The following FBXO40 variants were observed in gnomAD, a reference collection of about 807,000 sequenced individuals.
FBXO40 encodes F-box protein 40, also known as F-box only protein 40.
A neutral mutation model predicts 49.9 loss-of-function variants in FBXO40; 50 were observed. The ratio of observed to expected loss-of-function variants is 1.00; its 90% CI spans 0.80 to 1.27. The LOEUF (loss-of-function observed/expected upper bound fraction) is 1.27. Among genes scored for constraint, FBXO40 ranks in the 50% most tolerant of loss-of-function variants. The pLI is 0.00. For synonymous variants in FBXO40, 340 were observed against 320.2 expected, an observed-to-expected ratio of 1.06 and a Z score of -0.66; for missense variants, 895 against 870.1, an observed-to-expected ratio of 1.03 and a Z score of -0.36.
chr3:121,601,198 G>T (rs2048899516), intron 1 of FBXO40, among the ~76,000 whole-genome samples: 1 of 152,100 alleles, frequency 6.6e-6, no homozygotes, highest in Admixed American at 6.5e-5. Context: ...TTATATCAGT[G>T]AGAACAATTT....
chr3:121,608,318 A>G (rs2048942700), intron 1 of FBXO40, among the ~76,000 whole-genome samples: 1 of 152,202 alleles, frequency 6.6e-6, no homozygotes, highest in South Asian at 2.1e-4. Flanking sequence ...ATGACCATGA[A>G]GCATTAAAAA....
At chr3:121,604,963 TTTATTTATTTA>T (rs1309659497) in intron 1 of FBXO40, among the ~76,000 whole-genome samples, 18 of 138,876 alleles carry the variant, frequency 1.3e-4, no homozygotes, top group Admixed American at 4.4e-4. Flanking sequence ...TATTTATTTA[TTTATTTATTTA>T]TTATTTATTT....
At chr3:121,619,165 A>G (rs1015362257) in intron 1 of FBXO40, among the ~76,000 whole-genome samples, 4 of 143,434 alleles carry the variant, frequency 2.8e-5, no homozygotes, top group South Asian at 2.2e-4. Flanking sequence ...ATGCCCCGCT[A>G]ATTTTTTAAC....
At chr3:121,600,123 C>G (rs150503944) in intron 1 of FBXO40, among the ~76,000 whole-genome samples, 1 of 151,736 alleles carries the variant, frequency 6.6e-6, no homozygotes, top group Non-Finnish European at 1.5e-5. Flanking sequence ...TTCAATCTCC[C>G]AGGCTCAAGC....
intron 1 of FBXO40, among the ~76,000 whole-genome samples, chr3:121,615,120 G>A (rs1464787493): frequency 4.8e-5 from 7 of 146,078 alleles, no homozygotes; most frequent in African/African-American, 5.1e-5. Context: ...CAGGAGAATC[G>A]CTTGAATCTG....
At chr3:121,597,547 G>C (rs914270970) in intron 1 of FBXO40, among the ~76,000 whole-genome samples, 1 of 152,144 alleles carries the variant, frequency 6.6e-6, no homozygotes, top group African/African-American at 2.4e-5. Context: ...AAGGCCTGGA[G>C]GAGGGAGGTG....
In FBXO40 at chr3:121,627,567, A is replaced by G. The variant is rs534180857; in HGVS notation, c.*657A>G. ...AAATGGGATCACAGAGTCTGTTGCT[A>G]GAATCTTGGCAACATACAGCAGGAA... On this transcript the variant is annotated 3_prime_UTR_variant, in exon 4 of 4. Transcript: ENST00000338040. 1.6e-4 allele frequency: 50 copies of G among 309,590 alleles called. No individual in the cohort carries two copies. The highest frequency in any genetic ancestry group is 1.0e-3 in the African/African-American group (48 of 46,740). The allele number at this position is 309,590 out of a possible 1,614,324, so 19.2% of individuals were successfully genotyped here.
intron 3 of FBXO40, 29 bp from the exon 4 acceptor site, chr3:121,626,666 C>T: frequency 6.2e-7 from 1 of 1,605,816 alleles, no homozygotes; most frequent in Non-Finnish European, 8.5e-7. Context: ...CCCCTATATT[C>T]ACCTTTGAAC....
chr3:121,599,705 C>CATATAT (rs1191192350), intron 1 of FBXO40, among the ~76,000 whole-genome samples: 6 of 59,530 alleles, frequency 1.0e-4, no homozygotes, highest in Admixed American at 5.8e-4. Context: ...CACACACACA[C>CATATAT]ATATATATAT....
At chr3:121,608,320 C>T (rs1206180441) in intron 1 of FBXO40, among the ~76,000 whole-genome samples, 1 of 152,190 alleles carries the variant, frequency 6.6e-6, no homozygotes, top group African/African-American at 2.4e-5. Context: ...GACCATGAAG[C>T]ATTAAAAAGG....
intron 1 of FBXO40, among the ~76,000 whole-genome samples, chr3:121,615,576 A>AAG (rs2048993079): frequency 6.6e-6 from 1 of 151,288 alleles, no homozygotes; most frequent in South Asian, 2.1e-4. Flanking sequence ...AAAAAAAAAA[A>AAG]AAGAAGAAGA....
rs193283241 is a variant in FBXO40, at chr3:121,620,770, G to A, written c.3+192G>A. 3.4e-3 allele frequency among the ~76,000 whole-genome samples: 520 copies of A among 152,324 alleles called. 1 individual carries two copies. Among genetic ancestry groups the A allele is most frequent in the Non-Finnish European group, 6.2e-3 (423 of 68,036 alleles). The stretch of plus-strand genomic sequence containing the variant: ...GAGTAAGGGGAAAACAGTTGAGAAG[G>A]ATTTTTGAGCAAAGAGTTTAAGTGA... On this transcript the variant is annotated intron_variant, in intron 2 of 3. Coordinates refer to ENST00000338040, the MANE Select transcript of FBXO40 (RefSeq NM_016298.4).
At chr3:121,616,685 A>G (rs2048999602) in intron 1 of FBXO40, among the ~76,000 whole-genome samples, 1 of 152,212 alleles carries the variant, frequency 6.6e-6, no homozygotes, top group Admixed American at 6.5e-5. Flanking sequence ...GGCAAGTAGT[A>G]GTAGGTAATC....
chr3:121,601,856 T>G (rs2048902732), intron 1 of FBXO40, among the ~76,000 whole-genome samples: 1 of 152,216 alleles, frequency 6.6e-6, no homozygotes, highest in African/African-American at 2.4e-5. Flanking sequence ...ATTGGTGAAT[T>G]TCTCTTCTGA....
At chr3:121,619,218 A>G (rs991772928) in intron 1 of FBXO40, among the ~76,000 whole-genome samples, 1 of 151,644 alleles carries the variant, frequency 6.6e-6, no homozygotes, top group Non-Finnish European at 1.5e-5. Flanking sequence ...TATGTTTCTC[A>G]GACTGGTCTT....
Position 121,627,850 on chromosome 3 carries a change from C to A in FBXO40, c.*940C>A. The A allele has an allele frequency of 2.5e-6, 1 of 398,756 alleles. No individual in the cohort carries two copies. Among genetic ancestry groups the A allele is most frequent in the Non-Finnish European group, 4.4e-6 (1 of 226,174 alleles). The allele number at this position is 398,756 out of a possible 1,614,324, so 24.7% of individuals were successfully genotyped here. A position where few individuals can be genotyped will look rare whatever the true frequency, so the allele number is the denominator to read the frequency against. ...ACAGGGCAGCCCAGGGAGATCACAC[C>A]TTTGGCAAAGTCCAGACAAGGCCCA... is the stretch of plus-strand genomic sequence containing the variant. On this transcript the variant is annotated 3_prime_UTR_variant, in exon 4 of 4. Coordinates refer to ENST00000338040, the MANE Select transcript of FBXO40 (RefSeq NM_016298.4).
intron 1 of FBXO40, among the ~76,000 whole-genome samples, chr3:121,597,783 T>C (rs1271888342): frequency 6.7e-6 from 1 of 150,200 alleles, no homozygotes; most frequent in Non-Finnish European, 1.5e-5. Flanking sequence ...AGCCTCAGTC[T>C]CCCGAGCGTC....
rs1054759381 is a variant in FBXO40 at position 121,622,294 on chromosome 3, C to T, written c.865C>T (p.Pro289Ser). 6.2e-7 allele frequency: 1 copy of T among 1,614,172 alleles called. No individual in the cohort carries two copies. Among genetic ancestry groups the T allele is most frequent in the African/African-American group, 1.3e-5 (1 of 75,052 alleles). ...RTAMETTGLA[P>S]WQDGVLERLK... ...AGCCATGGAAACCACAGGGCTTGCC[C>T]CTTGGCAGGATGGTGTTCTGGAAAG... The change falls in exon 3 of 4, where the codon CCT (proline) becomes TCT (serine). Residue 289 changes from proline (P) to serine (S), a missense_variant. Transcript: ENST00000338040.
chr3:121,602,036 C>A (rs2048903627), intron 1 of FBXO40, among the ~76,000 whole-genome samples: 1 of 152,196 alleles, frequency 6.6e-6, no homozygotes, highest in African/African-American at 2.4e-5. Flanking sequence ...TCTTTGGGGA[C>A]CTGCCATAAG....
Sources: allele counts gnomAD v4.1 joint callset (sites outside exome capture counted in the v4.1 genomes callset), GRCh38; gene constraint gnomAD v4.1.1; transcripts MANE v1.5; gene names NCBI Gene and HGNC (gene_info 2026-07-23, HGNC 2026-07-21).